OXTR: variants seen among roughly 807,000 people sequenced by gnomAD.
OXTR encodes oxytocin receptor.
Under a neutral mutation model 23.9 loss-of-function variants are expected in OXTR, and 19 were observed. The ratio of observed to expected loss-of-function variants is 0.80; its 90% CI spans 0.56 to 1.17. OXTR has a LOEUF of 1.17. Among genes scored for constraint, OXTR ranks in the 50% most tolerant of loss-of-function variants. The probability of loss-of-function intolerance (pLI) is 0.00; values close to 1 mark genes in which losing one functional copy is unlikely to be tolerated. For synonymous variants in OXTR, 278 were observed against 250.5 expected (o/e 1.11, Z -1.04); for missense variants, 500 against 550.7 (o/e 0.91, Z 0.92).
chr3:8,765,302 G>T (rs1375991061), intron 3 of OXTR, among the ~76,000 whole-genome samples: 2 of 152,238 alleles, frequency 1.3e-5, no homozygotes, highest in Non-Finnish European at 2.9e-5. Context: ...AAAGCAGGAA[G>T]CCATAGAGGA....
intron 3 of OXTR, 86 bp downstream of exon 3, chr3:8,767,180 A>G: frequency 7.6e-7 from 1 of 1,321,040 alleles, no homozygotes; most frequent in Non-Finnish European, 1.0e-6. Context: ...GGAAGTCCAC[A>G]GACCCCTGGA....
intron 3 of OXTR, among the ~76,000 whole-genome samples, chr3:8,765,405 T>A (rs1382353545): frequency 6.6e-6 from 1 of 152,142 alleles, no homozygotes; most frequent in Non-Finnish European, 1.5e-5. Flanking sequence ...AGGAGTGGAA[T>A]GTCTGTTGAA....
At chr3:8,764,915 G>A (rs1254440523) in intron 3 of OXTR, among the ~76,000 whole-genome samples, 2 of 152,218 alleles carry the variant, frequency 1.3e-5, no homozygotes, top group African/African-American at 4.8e-5. Flanking sequence ...GGTTTTTCAT[G>A]CAACACCCAC....
downstream of OXTR, among the ~76,000 whole-genome samples, chr3:8,749,837 C>T (rs951376230): frequency 2.6e-5 from 4 of 152,096 alleles, no homozygotes; most frequent in African/African-American, 9.7e-5. Context: ...TGTGTATGCG[C>T]GTGTGTGTGG....
At chr3:8,745,826 G>A, downstream of OXTR, 5 of 1,613,702 alleles carry the variant, frequency 3.1e-6, no homozygotes, top group Non-Finnish European at 4.2e-6. The surrounding 1 kb of genome is among the most constrained non-coding windows in gnomAD (Gnocchi z 4.8). Context: ...CCTGGGCCAG[G>A]TCTGCAGCAG....
At chr3:8,756,109 T>C (rs1457842109) in intron 3 of OXTR, among the ~76,000 whole-genome samples, 1 of 152,198 alleles carries the variant, frequency 6.6e-6, no homozygotes, top group Non-Finnish European at 1.5e-5. Context: ...ACCTGCTTTC[T>C]GCACTTATTG....
chr3:8,768,126 G>C lies in OXTR; in HGVS notation c.62C>G (p.Pro21Arg). The change falls in exon 3 of 4, where the codon CCG becomes CGG. Residue 21 changes from proline (P) to arginine (R), a missense_variant. Physicochemically the swap from Pro to Arg is moderately radical, Grantham distance 103. Coordinates refer to ENST00000316793, the MANE Select transcript of OXTR (RefSeq NM_000916.4). This position sits in a 1 kb window ranked among gnomAD's most constrained non-coding sequence, Gnocchi z 5.4. ...GGCGGTGCGGTTGCCCTCGGCCCCC[G>C]GCGGCGCGGCGCTGGCGTTGGCTGC... ...AEAANASAAPPGAEGNRTAGP... is the reference protein window; with the variant it reads ...AEAANASAAPRGAEGNRTAGP... 7.4e-7 allele frequency: 1 copy of C among 1,345,960 alleles called. No homozygotes were observed. Among genetic ancestry groups the C allele is most frequent in the Non-Finnish European group, 9.5e-7 (1 of 1,057,220 alleles). The allele number at this position is 1,345,960 out of a possible 1,614,324, so 83.4% of individuals were successfully genotyped here.
downstream of OXTR, among the ~76,000 whole-genome samples, chr3:8,747,345 A>G (rs1330225595): frequency 6.6e-6 from 1 of 152,138 alleles, no homozygotes; most frequent in Non-Finnish European, 1.5e-5. Context: ...GTTTTCTCCT[A>G]ACATTGTATG....
In OXTR at chr3:8,767,438, G is replaced by A. The variant is rs1024090021; in HGVS notation, c.750C>T (p.Gly250=). The change falls in exon 3 of 4, where the codon GGC becomes GGT. Residue 250 remains glycine (G), a synonymous_variant. Coordinates refer to ENST00000316793, the MANE Select transcript of OXTR (RefSeq NM_000916.4). ...GCGCCAGGGCCACGCGCCCCCCATC[G>A]CCAGCCGCCGCGCCCTCTGGCGCCT... ...AAEAPEGAAA[G]DGGRVALARV... is the part of the protein sequence containing the mutation. 1.9e-6 allele frequency: 3 copies of A among 1,603,372 alleles called. No homozygotes were observed. Among genetic ancestry groups the A allele is most frequent in the Non-Finnish European group, 2.6e-6 (3 of 1,175,296 alleles).
At chr3:8,745,879 G>A (rs1438169079), downstream of OXTR, 1 of 1,605,232 alleles carries the variant, frequency 6.2e-7, no homozygotes, top group Admixed American at 1.7e-5. This position sits in a 1 kb window ranked among gnomAD's most constrained non-coding sequence, Gnocchi z 4.8. Context: ...GCCAGGTGGG[G>A]CAACAGCGGT....
intron 3 of OXTR, among the ~76,000 whole-genome samples, chr3:8,764,869 G>A (rs900097530): frequency 2.6e-5 from 4 of 152,206 alleles, no homozygotes; most frequent in South Asian, 4.1e-4. Flanking sequence ...CTCAGTACCT[G>A]AGACAGAATG....
chr3:8,761,816 C>T (rs1235222508), intron 3 of OXTR, among the ~76,000 whole-genome samples: 1 of 152,174 alleles, frequency 6.6e-6, no homozygotes, highest in Non-Finnish European at 1.5e-5. Context: ...CATTATGAGC[C>T]GTTATCCCCA....
At chr3:8,756,393 T>A (rs1285347234) in intron 3 of OXTR, among the ~76,000 whole-genome samples, 1 of 152,172 alleles carries the variant, frequency 6.6e-6, no homozygotes, top group Non-Finnish European at 1.5e-5. Flanking sequence ...ACACAGCAAG[T>A]CACCCTGTGT....
At chr3:8,746,264 G>A, downstream of OXTR, 1 of 180,886 alleles carries the variant, frequency 5.5e-6, no homozygotes, top group Non-Finnish European at 1.2e-5. Flanking sequence ...TCCAGTAAAG[G>A]GTTTTGGCTG....
Position 8,765,848 on chromosome 3 carries a change from C to T in OXTR, c.922+1418G>A, listed in dbSNP as rs543547354. On this transcript the variant is annotated intron_variant, in intron 3 of 3. Coordinates refer to ENST00000316793, the MANE Select transcript of OXTR (RefSeq NM_000916.4). ...GTTGTTACCAGGGGCCACAGGTGTT[C>T]GGTAAATATTGAATAACCAGTGTCT... 4.6e-5 allele frequency among the ~76,000 whole-genome samples: 7 copies of T among 152,294 alleles called. No homozygotes were observed. The East Asian group carries it at 1.2e-3, about 25-fold the overall frequency.
At position 8,751,324 on chromosome 3, in the gene OXTR, C is replaced by G. The variant is rs1440567702; in HGVS notation, c.*1653G>C. The G allele has an allele frequency of 6.6e-6, 1 of 152,192 alleles. No individual in the cohort carries two copies. Among genetic ancestry groups the G allele is most frequent in the African/African-American group, 2.4e-5 (1 of 41,460 alleles). The allele number at this position is 152,192 out of a possible 1,614,324, so 9.4% of individuals were successfully genotyped here. On this transcript the variant is annotated 3_prime_UTR_variant, in exon 4 of 4. Transcript: ENST00000316793. ...TGACTCGCAAATATTTTCTCCCATTCTGCAGGTTATCTTTTCACCTTCTTG... is the reference window on the plus strand; with the variant it reads ...TGACTCGCAAATATTTTCTCCCATTGTGCAGGTTATCTTTTCACCTTCTTG...
chr3:8,741,810 T>C, the OXTR span, among the ~76,000 whole-genome samples: 408 of 152,224 alleles, frequency 2.7e-3, 2 homozygotes, highest in South Asian at 2.5e-3. Context: ...TCCCCCGCCC[T>C]GCTATCCTAC....
At chr3:8,757,965 G>A (rs888753802) in intron 3 of OXTR, among the ~76,000 whole-genome samples, 5 of 152,154 alleles carry the variant, frequency 3.3e-5, no homozygotes, top group African/African-American at 1.2e-4. Context: ...TATTGAACAG[G>A]GGGTAAAGCA....
At chr3:8,761,439 A>G (rs796312821) in intron 3 of OXTR, among the ~76,000 whole-genome samples, 2 of 152,212 alleles carry the variant, frequency 1.3e-5, no homozygotes, top group East Asian at 1.9e-4. Flanking sequence ...CAGCGATCTA[A>G]CAAGCGCCCA....
Sources: gnomAD v4.1 joint callset for allele counts (sites outside exome capture counted in the v4.1 genomes callset) on GRCh38, gnomAD v4.1.1 for gene constraint, Gnocchi (gnomAD v3.1) non-coding constraint, MANE v1.5 for transcripts, NCBI Gene and HGNC (gene_info 2026-07-23, HGNC 2026-07-21) for gene names.